MRI1: variants seen among roughly 807,000 people sequenced by gnomAD.
The protein encoded by MRI1 is methylthioribose-1-phosphate isomerase.
In MRI1, 32 loss-of-function variants were observed where a neutral mutation model predicts 27.3. The observed-to-expected ratio is 1.17, with a 90% CI of 0.88 to 1.57. MRI1 has a LOEUF of 1.57. Among genes scored for constraint, MRI1 ranks in the 40% most tolerant of loss-of-function variants. MRI1 has a pLI of 0.00. For synonymous variants in MRI1, 216 were observed against 227.4 expected, an observed-to-expected ratio of 0.95 and a Z score of 0.45; for missense variants, 508 against 516.1, an observed-to-expected ratio of 0.98 and a Z score of 0.15.
chr19:13,764,544 G>C lies in MRI1; in HGVS notation c.-45G>C, dbSNP rs772283715. 6.3e-7 allele frequency: 1 copy of C among 1,592,686 alleles called. No homozygotes were observed. The highest frequency in any genetic ancestry group is 8.5e-7 in the Non-Finnish European group (1 of 1,170,910). The stretch of plus-strand genomic sequence containing the variant: ...CCCGCCCCGCTCCCAAGTGCGCGCG[G>C]ACCCCTAGCTCCCTCTGAGTTGCGC... On this transcript the variant is annotated 5_prime_UTR_variant, in exon 1 of 6. Transcript: ENST00000040663.
chr19:13,766,887 A>G (rs959833674), intron 3 of MRI1, among the ~76,000 whole-genome samples: 1 of 151,484 alleles, frequency 6.6e-6, no homozygotes, highest in African/African-American at 2.4e-5. Flanking sequence ...AAATAAGTAC[A>G]GTCATCCTTC....
Position 13,772,198 on chromosome 19 carries a change from G to A in MRI1, c.1027G>A (p.Val343Ile), listed in dbSNP as rs201521540. ...ITGGIITELG[V>I]FAPEELRTAL... ...TGGTGGCATCATCACAGAACTGGGG[G>A]TCTTTGCCCCTGAGGAGCTCCGGAC... The change falls in exon 6 of 6, where the codon GTC (valine) becomes ATC (isoleucine). Residue 343 changes from valine (V) to isoleucine (I), a missense_variant. Physicochemically the swap from Val to Ile is conservative, Grantham distance 29. This residue lies in a region of MRI1 where 457 missense variants were observed against 452.8 expected (regional missense o/e 1.01). Transcript: ENST00000040663. 3 of 1,614,024 alleles carry A rather than the reference G, an allele frequency of 1.9e-6. No individual in the cohort carries two copies. Among genetic ancestry groups the A allele is most frequent in the South Asian group, 1.1e-5 (1 of 91,050 alleles).
intron 2 of MRI1, 39 bp downstream of exon 2, chr19:13,765,148 A>G: frequency 6.9e-7 from 1 of 1,447,524 alleles, no homozygotes; most frequent in Non-Finnish European, 9.2e-7. Flanking sequence ...CTGAGCAGGA[A>G]TTATATTGAC....
Position 13,769,026 on chromosome 19 carries a change from T to C in MRI1, c.927T>C (p.Asn309=). Residue 309 remains asparagine, a synonymous_variant, in exon 5 of 6, where the codon AAT becomes AAC. Coordinates refer to ENST00000040663, the MANE Select transcript of MRI1 (RefSeq NM_001031727.4). ...CGGGCCAGGAGCTGACCGATGTTAA[T>C]GGGGTCCGGATTGCAGCACCTGGTA... ...ERPGQELTDV[N]GVRIAAPGIG... 1 of 1,612,864 alleles carries C rather than the reference T, an allele frequency of 6.2e-7. No individual in the cohort carries two copies. The highest frequency in any genetic ancestry group is 8.5e-7 in the Non-Finnish European group (1 of 1,179,440).
At position 13,772,887 on chromosome 19, in the gene MRI1, T is replaced by G. The variant is rs1974300151; in HGVS notation, c.*606T>G. On this transcript the variant is annotated 3_prime_UTR_variant, in exon 6 of 6. Transcript: ENST00000040663. The stretch of plus-strand genomic sequence containing the variant: ...AAAAATAAAAAATAAATGTGGATAA[T>G]ACTAGTACCTCCCTCTTAAGGTCAG... 2 of 151,846 alleles carry G rather than the reference T, an allele frequency of 1.3e-5. No individual in the cohort carries two copies. Among genetic ancestry groups the G allele is most frequent in the South Asian group, 4.1e-4 (2 of 4,820 alleles). 9.4% of individuals were successfully genotyped at this position (151,846 alleles called of 1,614,324 possible). A position where few individuals can be genotyped will look rare whatever the true frequency, so the allele number is the denominator to read the frequency against.
rs367674357 is a variant in MRI1 at position 13,772,080 on chromosome 19, A to G, written c.950-41A>G. On this transcript the variant is annotated intron_variant, in intron 5 of 5. Transcript: ENST00000040663. ...ACTACAACCTGAGAACTTTCACAGAAGCAAATTCTTGCCTCCTTGCCTCCC... is the reference window on the plus strand; with the variant it reads ...ACTACAACCTGAGAACTTTCACAGAGGCAAATTCTTGCCTCCTTGCCTCCC... 1,688 of 1,560,050 alleles carry G rather than the reference A, an allele frequency of 1.1e-3. 4 individuals carry two copies. Among genetic ancestry groups the G allele is most frequent in the South Asian group, 2.9e-3 (246 of 84,186 alleles).
intron 3 of MRI1, among the ~76,000 whole-genome samples, chr19:13,766,489 G>C (rs529851837): frequency 9.9e-5 from 15 of 152,156 alleles, no homozygotes; most frequent in Non-Finnish European, 1.9e-4. Flanking sequence ...GCAGTCATTC[G>C]ATGGGCCCCG....
chr19:13,764,819 T>C (rs970609826), intron 1 of MRI1, 52 bp from the exon 2 acceptor site: 1 of 1,254,012 alleles, frequency 8.0e-7, no homozygotes, highest in African/African-American at 1.6e-5. Context: ...GGGTTGGAGG[T>C]GGGAGTGCGC....
rs779174440 is a variant in MRI1 at position 13,772,271 on chromosome 19, C to A, written c.1100C>A (p.Pro367His). 1.7e-5 allele frequency: 28 copies of A among 1,612,628 alleles called. No individual in the cohort carries two copies. The South Asian group carries it at 3.0e-4, about 17-fold the overall frequency. The change falls in exon 6 of 6, where the codon CCC becomes CAC. Residue 367 changes from proline to histidine, a missense_variant. This residue lies in a region of MRI1 where 457 missense variants were observed against 452.8 expected (regional missense o/e 1.01). Coordinates refer to ENST00000040663, the MANE Select transcript of MRI1 (RefSeq NM_001031727.4). ...ISSRDGTLDGPQM is the reference protein window; with the variant it reads ...ISSRDGTLDGHQM Reference sequence around the variant, plus strand: ...TCCAGGGATGGAACCCTAGATGGACCCCAGATGTAACCAACTCAGCTCTCC... The same window carrying A: ...TCCAGGGATGGAACCCTAGATGGACACCAGATGTAACCAACTCAGCTCTCC...
intron 3 of MRI1, 146 bp downstream of exon 3, chr19:13,766,275 T>C: frequency 1.5e-6 from 1 of 671,394 alleles, no homozygotes; most frequent in Non-Finnish European, 2.3e-6. Flanking sequence ...TACAGTTGGC[T>C]TCAGGTATGG....
chr19:13,764,570 T>A lies in MRI1; in HGVS notation c.-19T>A. The stretch of plus-strand genomic sequence containing the variant: ...ACCCCTAGCTCCCTCTGAGTTGCGC[T>A]GGGCTTGGCTGCTGCACCATGACCC... On this transcript the variant is annotated 5_prime_UTR_variant, in exon 1 of 6. Transcript: ENST00000040663. The A allele has an allele frequency of 6.2e-7, 1 of 1,604,374 alleles. No homozygotes were observed. The highest frequency in any genetic ancestry group is 8.5e-7 in the Non-Finnish European group (1 of 1,176,568).
intron 3 of MRI1, chr19:13,768,341 A>G: frequency 8.2e-7 from 1 of 1,220,322 alleles, no homozygotes; most frequent in Non-Finnish European, 1.2e-6. Context: ...CTTCACCGAG[A>G]AGGTGTCCTT....
chr19:13,765,110 G>A lies in MRI1; in HGVS notation c.371+1G>A. On this transcript the variant is annotated splice_donor_variant, in intron 2 of 5. Coordinates refer to ENST00000040663, the MANE Select transcript of MRI1 (RefSeq NM_001031727.4). LOFTEE classifies it high-confidence loss of function. ...CTACGGAAGAGGCGGTCCGGGAGAG[G>A]TACGGGGATCTGGTACCAGGCACGG... 1 of 1,525,248 alleles carries A rather than the reference G, an allele frequency of 6.6e-7. No homozygotes were observed. Among genetic ancestry groups the A allele is most frequent in the Non-Finnish European group, 8.8e-7 (1 of 1,140,574 alleles). The allele number at this position is 1,525,248 out of a possible 1,614,324, so 94.5% of individuals were successfully genotyped here. A position where few individuals can be genotyped will look rare whatever the true frequency, so the allele number is the denominator to read the frequency against.
chr19:13,768,568 T>G lies in MRI1; in HGVS notation c.555T>G (p.Ile185Met), dbSNP rs773001005. 6.2e-7 allele frequency: 1 copy of G among 1,605,620 alleles called. No individual in the cohort carries two copies. Among genetic ancestry groups the G allele is most frequent in the South Asian group, 1.1e-5 (1 of 89,936 alleles). Residue 185 changes from isoleucine to methionine, a missense_variant, in exon 4 of 6, where the codon ATT becomes ATG. Coordinates refer to ENST00000040663, the MANE Select transcript of MRI1 (RefSeq NM_001031727.4). Reference protein sequence around the residue: ...TAGYGTALGVIRSLHSLGRLE... With the variant: ...TAGYGTALGVMRSLHSLGRLE... ...TGGGTGGGGCCCCCGCAGGTGTGATTCGCTCACTGCACAGCCTGGGCCGCC... is the reference window on the plus strand; with the variant it reads ...TGGGTGGGGCCCCCGCAGGTGTGATGCGCTCACTGCACAGCCTGGGCCGCC...
At chr19:13,766,911 G>A (rs76172805) in intron 3 of MRI1, among the ~76,000 whole-genome samples, 3,961 of 150,516 alleles carry the variant, frequency 0.026, 172 homozygotes, top group African/African-American at 0.091. Flanking sequence ...ATCTGTGGGG[G>A]ACTGGTTCCA....
chr19:13,771,347 A>G (rs552070443), intron 5 of MRI1, among the ~76,000 whole-genome samples: 2 of 152,030 alleles, frequency 1.3e-5, no homozygotes, highest in South Asian at 4.2e-4. Context: ...AGCCTAGGTG[A>G]CAAGAGCAAA....
rs931740205 is a variant in MRI1, at chr19:13,773,877, C to T, written c.*1596C>T. 1 of 152,414 alleles carries T rather than the reference C, an allele frequency of 6.6e-6. No individual in the cohort carries two copies. Among genetic ancestry groups the T allele is most frequent in the Non-Finnish European group, 1.5e-5 (1 of 68,080 alleles). The allele number at this position is 152,414 out of a possible 1,614,324, so 9.4% of individuals were successfully genotyped here. On this transcript the variant is annotated 3_prime_UTR_variant, in exon 6 of 6. Coordinates refer to ENST00000040663, the MANE Select transcript of MRI1 (RefSeq NM_001031727.4). ...GTTAGTCGTGGCTGGTCTCCAACTC[C>T]TGACCTCGGGTGATCCGCGCCCCGC...
At position 13,773,474 on chromosome 19, in the gene MRI1, T is replaced by G. The variant is rs1974313674; in HGVS notation, c.*1193T>G. 1 of 151,872 alleles carries G rather than the reference T, an allele frequency of 6.6e-6. No homozygotes were observed. The highest frequency in any genetic ancestry group is 2.4e-5 in the African/African-American group (1 of 41,320). 9.4% of individuals were successfully genotyped at this position (151,872 alleles called of 1,614,324 possible). ...AGAGCTTGTCTCTACAAACAAAAAT[T>G]TAAAAACAATGAGCTGGGCATGGAA... On this transcript the variant is annotated 3_prime_UTR_variant, in exon 6 of 6. Coordinates refer to ENST00000040663, the MANE Select transcript of MRI1 (RefSeq NM_001031727.4).
Position 13,768,984 on chromosome 19 carries a change from C to A in MRI1, c.885C>A (p.Ile295=). The A allele has an allele frequency of 1.2e-6, 2 of 1,614,036 alleles. No homozygotes were observed. The highest frequency in any genetic ancestry group is 1.7e-6 in the Non-Finnish European group (2 of 1,179,976). Residue 295 remains isoleucine, a synonymous_variant, in exon 5 of 6, where the codon ATC becomes ATA. Coordinates refer to ENST00000040663, the MANE Select transcript of MRI1 (RefSeq NM_001031727.4). ...CDLRLETGKE[I]IIEERPGQEL... is the part of the protein sequence containing the mutation. ...TCCGTCTGGAGACCGGCAAGGAGAT[C>A]ATTATTGAAGAGCGACCGGGCCAGG...
Sources: allele counts gnomAD v4.1 joint callset (sites outside exome capture counted in the v4.1 genomes callset), GRCh38; gene constraint gnomAD v4.1.1; regional missense constraint gnomAD v4.1.1; transcripts MANE v1.5; gene names NCBI Gene and HGNC (gene_info 2026-07-23, HGNC 2026-07-21).